CCDC88A: variants seen among roughly 807,000 people sequenced by gnomAD.
CCDC88A encodes the protein coiled-coil and HOOK domain protein 88A, also known as girdin.
Under a neutral mutation model 234.3 loss-of-function variants are expected in CCDC88A, and 54 were observed. The ratio of observed to expected loss-of-function variants is 0.23; its 90% CI spans 0.19 to 0.29. CCDC88A has a LOEUF of 0.29. Ranked by LOEUF, CCDC88A falls within the 10% of genes least tolerant of loss-of-function variation. The probability of loss-of-function intolerance (pLI) is 1.00; values close to 1 mark genes in which losing one functional copy is unlikely to be tolerated. For synonymous variants in CCDC88A, 753 were observed against 737.8 expected, an observed-to-expected ratio of 1.02 and a Z score of -0.33; for missense variants, 1,832 against 2,123.4, an observed-to-expected ratio of 0.86 and a Z score of 2.70.
intron 3 of CCDC88A, among the ~76,000 whole-genome samples, chr2:55,387,928 T>A (rs2104889083): frequency 6.6e-6 from 1 of 152,218 alleles, no homozygotes; most frequent in East Asian, 1.9e-4. Context: ...TAAGACAAAA[T>A]TTGATAAATT....
At chr2:55,378,652 T>G (rs1674084324) in intron 3 of CCDC88A, among the ~76,000 whole-genome samples, 1 of 152,198 alleles carries the variant, frequency 6.6e-6, no homozygotes, top group Non-Finnish European at 1.5e-5. Context: ...CAGCTAAAAT[T>G]ATACAAATTT....
In CCDC88A at chr2:55,289,341, A is replaced by C. The variant is rs569281591; in HGVS notation, c.*1859T>G. On this transcript the variant is annotated 3_prime_UTR_variant, in exon 33 of 33. Coordinates refer to ENST00000436346, the MANE Select transcript of CCDC88A (RefSeq NM_001365480.1). Reference sequence around the variant, plus strand: ...TGTATTTAGCCATAACATAATTTCTATGTTTACTTTTATCCACCTAAAAAT... The same window carrying C: ...TGTATTTAGCCATAACATAATTTCTCTGTTTACTTTTATCCACCTAAAAAT... 1 of 152,612 alleles carries C rather than the reference A, an allele frequency of 6.6e-6. No individual in the cohort carries two copies. The highest frequency in any genetic ancestry group is 1.5e-5 in the Non-Finnish European group (1 of 68,010). The allele number at this position is 152,612 out of a possible 1,614,324, so 9.5% of individuals were successfully genotyped here. A position where few individuals can be genotyped will look rare whatever the true frequency, so the allele number is the denominator to read the frequency against.
At chr2:55,372,978 G>A (rs1353871160) in intron 4 of CCDC88A, among the ~76,000 whole-genome samples, 1 of 152,164 alleles carries the variant, frequency 6.6e-6, no homozygotes, top group East Asian at 1.9e-4. Flanking sequence ...GTTTTCCACT[G>A]TGCAAGTTCA....
In CCDC88A at chr2:55,349,506, C is replaced by G. The variant is rs1328424669; in HGVS notation, c.882+12G>C. On this transcript the variant is annotated intron_variant, in intron 9 of 32. Coordinates refer to ENST00000436346, the MANE Select transcript of CCDC88A (RefSeq NM_001365480.1). ...TTGGTGGTCCTAAATAACAGATATT[C>G]CAGGTACAAACCTCTTGTTGCAGCC... is the stretch of plus-strand genomic sequence containing the variant. 3 of 1,588,168 alleles carry G rather than the reference C, an allele frequency of 1.9e-6. No individual in the cohort carries two copies. The highest frequency in any genetic ancestry group is 1.3e-5 in the African/African-American group (1 of 74,292).
At chr2:55,315,647 A>T (rs1350127486) in intron 22 of CCDC88A, 1 of 216,686 alleles carries the variant, frequency 4.6e-6, no homozygotes, top group Non-Finnish European at 9.0e-6. Context: ...TTGGTTTATA[A>T]TTTCATGCCA....
chr2:55,391,541 T>C (rs1424311318), intron 2 of CCDC88A, among the ~76,000 whole-genome samples: 1 of 152,138 alleles, frequency 6.6e-6, no homozygotes, highest in Non-Finnish European at 1.5e-5. Flanking sequence ...AAGAAAGACA[T>C]GAACGTTAAG....
intron 2 of CCDC88A, among the ~76,000 whole-genome samples, chr2:55,400,901 CTA>C (rs1370141489): frequency 2.0e-5 from 3 of 152,118 alleles, no homozygotes; most frequent in South Asian, 2.1e-4. Flanking sequence ...AATAACATAA[CTA>C]TGTAATATTT....
chr2:55,336,422 G>C (rs1336866855), intron 14 of CCDC88A, among the ~76,000 whole-genome samples: 1 of 151,838 alleles, frequency 6.6e-6, no homozygotes, highest in Non-Finnish European at 1.5e-5. Context: ...ACAGACACTT[G>C]AAAGCACAAG....
intron 2 of CCDC88A, among the ~76,000 whole-genome samples, chr2:55,398,124 T>C (rs767379338): frequency 6.6e-6 from 1 of 152,202 alleles, no homozygotes. Flanking sequence ...TTTATATCCC[T>C]TCACAAAACT....
At chr2:55,371,311 A>G (rs577282852) in intron 5 of CCDC88A, among the ~76,000 whole-genome samples, 4 of 152,308 alleles carry the variant, frequency 2.6e-5, no homozygotes, top group African/African-American at 9.6e-5. Flanking sequence ...TTAATAACAT[A>G]TATTATGTAA....
At chr2:55,349,718 A>T in intron 8 of CCDC88A, 119 bp from the exon 9 acceptor site, 5 of 587,890 alleles carry the variant, frequency 8.5e-6, no homozygotes, top group East Asian at 3.1e-5. Flanking sequence ...ATTAGCCATA[A>T]CCCTAATCTA....
chr2:55,294,929 G>T (rs192166615), intron 31 of CCDC88A: 2 of 1,185,706 alleles, frequency 1.7e-6, no homozygotes, highest in Non-Finnish European at 2.1e-6. Flanking sequence ...ATGTACAGCT[G>T]AACACTGTGC....
chr2:55,368,451 C>T (rs1672334928), intron 5 of CCDC88A, among the ~76,000 whole-genome samples: 1 of 150,118 alleles, frequency 6.7e-6, no homozygotes, highest in Non-Finnish European at 1.5e-5. Context: ...TCTCTCTTTC[C>T]CCCCTCCCTC....
chr2:55,343,928 G>T, intron 11 of CCDC88A, 136 bp from the exon 12 acceptor site: 1 of 704,712 alleles, frequency 1.4e-6, no homozygotes, highest in South Asian at 2.6e-5. Context: ...TTTCAGTTTT[G>T]AAGGCAATTA....
chr2:55,307,779 A>C (rs75786575), intron 25 of CCDC88A, among the ~76,000 whole-genome samples: 13,404 of 151,410 alleles, frequency 0.089, 1,403 homozygotes, highest in African/African-American at 0.25. Flanking sequence ...AGCCACTGTA[A>C]CTGGCCCCCA....
chr2:55,417,872 T>C (rs1010897571), intron 2 of CCDC88A: 1 of 152,106 alleles, frequency 6.6e-6, no homozygotes, highest in Non-Finnish European at 1.5e-5. Flanking sequence ...CAATTTCCCA[T>C]ACATATAAAA....
chr2:55,322,902 A>G (rs1001317472), intron 17 of CCDC88A: 1 of 361,484 alleles, frequency 2.8e-6, no homozygotes, highest in African/African-American at 2.1e-5. Context: ...TGCCAGAGTA[A>G]TAGTCATGTC....
intron 2 of CCDC88A, among the ~76,000 whole-genome samples, chr2:55,400,452 T>A (rs1022759007): frequency 2.7e-4 from 41 of 152,318 alleles, no homozygotes; most frequent in African/African-American, 9.1e-4. Flanking sequence ...AGGAGTTAAA[T>A]GCAACATGGC....
At chr2:55,339,014 T>A (rs551947047) in intron 13 of CCDC88A, 39 of 152,680 alleles carry the variant, frequency 2.6e-4, no homozygotes, top group Non-Finnish European at 3.6e-4. Context: ...TGGAGTGCAG[T>A]GGCGTGATCT....
Sources: allele counts gnomAD v4.1 joint callset (sites outside exome capture counted in the v4.1 genomes callset), GRCh38; gene constraint gnomAD v4.1.1; transcripts MANE v1.5; gene names NCBI Gene and HGNC (gene_info 2026-07-23, HGNC 2026-07-21).